Variants in SVEP1 observed in about 807,000 individuals in gnomAD.
SVEP1 encodes sushi, von Willebrand factor type A, EGF and pentraxin domain-containing protein 1.
Under a neutral mutation model 367.3 loss-of-function variants are expected in SVEP1, and 164 were observed. The ratio of observed to expected loss-of-function variants is 0.45; its 90% CI spans 0.39 to 0.51. SVEP1 has a LOEUF of 0.51. Among genes scored for constraint, SVEP1 ranks in the 20% least tolerant of loss-of-function variants. SVEP1 has a pLI of 0.00. For synonymous variants in SVEP1, 1,666 were observed against 1,611.6 expected (o/e 1.03, Z -0.81); for missense variants, 4,117 against 4,425.3 (o/e 0.93, Z 1.98).
At chr9:110,536,048 T>C (rs1054957383) in intron 3 of SVEP1, among the ~76,000 whole-genome samples, 1 of 152,076 alleles carries the variant, frequency 6.6e-6, no homozygotes, top group Admixed American at 6.6e-5. Context: ...AAGCCAGTTT[T>C]CAAGTATTGT....
At chr9:110,578,973 C>T (rs905194293) in intron 1 of SVEP1, 40 bp downstream of exon 1, 1 of 1,540,644 alleles carries the variant, frequency 6.5e-7, no homozygotes, top group Non-Finnish European at 8.7e-7. Context: ...TCGAAGGGCC[C>T]GGGGACTAGG....
chr9:110,508,383 G>T (rs932252174), intron 5 of SVEP1, among the ~76,000 whole-genome samples: 1 of 152,042 alleles, frequency 6.6e-6, no homozygotes, highest in Non-Finnish European at 1.5e-5. Context: ...TAAATGTAAG[G>T]TTCTCATTGG....
rs141364064 is a variant in SVEP1, at chr9:110,410,514, T to C, written c.6648+549A>G. ...TGCCTTCTATAAAATAAAGCATATA[T>C]CCATCCTGAAAAACCTCTGTAAAAC... On this transcript the variant is annotated intron_variant, in intron 37 of 47. Coordinates refer to ENST00000374469, the MANE Select transcript of SVEP1 (RefSeq NM_153366.4). Among the ~76,000 whole-genome samples the C allele has an allele frequency of 1.2e-3, 179 of 152,350 alleles. 3 individuals are homozygous for C. The East Asian group carries it at 0.033, about 28-fold the overall frequency.
At chr9:110,506,473 C>T (rs144700562) in intron 5 of SVEP1, among the ~76,000 whole-genome samples, 1 of 152,292 alleles carries the variant, frequency 6.6e-6, no homozygotes, top group African/African-American at 2.4e-5. Context: ...ATATCCTTCA[C>T]CTTATCTCAG....
At chr9:110,463,675 C>T (rs780803899) in intron 18 of SVEP1, among the ~76,000 whole-genome samples, 1 of 142,376 alleles carries the variant, frequency 7.0e-6, no homozygotes, top group Non-Finnish European at 1.5e-5. Flanking sequence ...GAAAGGCAGG[C>T]GAAAGAAAGG....
At chr9:110,451,183 G>A in intron 23 of SVEP1, 106 bp downstream of exon 23, 3 of 871,098 alleles carry the variant, frequency 3.4e-6, no homozygotes, top group Non-Finnish European at 5.3e-6. Flanking sequence ...TCACCATACA[G>A]TAATAAAATC....
intron 40 of SVEP1, among the ~76,000 whole-genome samples, chr9:110,394,885 C>T (rs1404022075): frequency 6.6e-6 from 1 of 152,100 alleles, no homozygotes; most frequent in African/African-American, 2.4e-5. Context: ...ATTGGTGTAC[C>T]TGAAAGTGAT....
At chr9:110,542,993 A>T (rs929458797) in intron 3 of SVEP1, among the ~76,000 whole-genome samples, 34 of 147,654 alleles carry the variant, frequency 2.3e-4, no homozygotes, top group African/African-American at 7.9e-4. Context: ...TATATATATA[A>T]AATAAAAAAA....
At chr9:110,390,636 G>A (rs1480890229) in intron 40 of SVEP1, among the ~76,000 whole-genome samples, 1 of 151,734 alleles carries the variant, frequency 6.6e-6, no homozygotes, top group Non-Finnish European at 1.5e-5. Context: ...CAAGCAGATG[G>A]TAGTGAACTC....
intron 40 of SVEP1, among the ~76,000 whole-genome samples, chr9:110,395,692 G>A (rs1822908172): frequency 6.6e-6 from 1 of 150,994 alleles, no homozygotes; most frequent in South Asian, 2.1e-4. Context: ...AAAAAGGCAG[G>A]GGTTGCAATC....
intron 24 of SVEP1, among the ~76,000 whole-genome samples, chr9:110,448,148 TGCGCGTGTGTGTGTGCGCGCGCTC>T (rs1019954778): frequency 2.4e-4 from 17 of 69,500 alleles, no homozygotes; most frequent in African/African-American, 6.2e-4. Context: ...TGTGTGTGTG[TGCGCGTGTGTGTGTGCGCGCGCTC>T]GCGCGTGTGT....
In SVEP1 at chr9:110,407,188, T is replaced by C. The variant is rs1315977051; in HGVS notation, c.8412A>G (p.Gly2804=). The part of the protein sequence containing the change: ...LSTLYYECDP[G]YVLNGTERRT... ...TCCTCTCAGTGCCATTCAGCACATATCCGGGGTCACACTCATAGTACAACG... is the reference window on the plus strand; with the variant it reads ...TCCTCTCAGTGCCATTCAGCACATACCCGGGGTCACACTCATAGTACAACG... The change falls in exon 38 of 48, where the codon GGA becomes GGG. Residue 2804 remains glycine (G), a synonymous_variant. Transcript: ENST00000374469. The C allele has an allele frequency of 1.9e-6, 3 of 1,613,880 alleles. No individual in the cohort carries two copies. Among genetic ancestry groups the C allele is most frequent in the Non-Finnish European group, 2.5e-6 (3 of 1,179,890 alleles).
chr9:110,432,986 G>C (rs1828374734), intron 30 of SVEP1, among the ~76,000 whole-genome samples: 1 of 152,118 alleles, frequency 6.6e-6, no homozygotes, highest in Non-Finnish European at 1.5e-5. Flanking sequence ...TCATGGCTTG[G>C]TGCTGTCCTT....
At chr9:110,373,897 T>G (rs1327535) in intron 46 of SVEP1, among the ~76,000 whole-genome samples, 125,972 of 152,168 alleles carry the variant, frequency 0.83, 52,709 homozygotes, top group African/African-American at 0.95. Context: ...CAGGATGTTT[T>G]TTACTAATCA....
At position 110,546,149 on chromosome 9, in the gene SVEP1, C is replaced by T. The variant is rs373543458; in HGVS notation, c.930G>A (p.Gly310=). 9.0e-6 allele frequency: 14 copies of T among 1,553,166 alleles called. No homozygotes were observed. In the African/African-American group the frequency reaches 1.4e-4, roughly 15 times the overall value. The change falls in exon 3 of 48, where the codon GGG becomes GGA. Residue 310 remains glycine (G), a synonymous_variant. Coordinates refer to ENST00000374469, the MANE Select transcript of SVEP1 (RefSeq NM_153366.4). ...CATACTGCAGACCTTTCCCGTAATA[C>T]CCCTTTTCACAGATGCACTCAAAAT... ...TGHFECICEK[G]YYGKGLQYEC...
chr9:110,392,967 T>G (rs10817007), intron 40 of SVEP1, among the ~76,000 whole-genome samples: 23,760 of 152,104 alleles, frequency 0.16, 2,131 homozygotes, highest in East Asian at 0.4. Flanking sequence ...AGACCTGGAG[T>G]TGGTAATTTC....
rs755848903 is a variant in SVEP1 at position 110,400,991 on chromosome 9, G to T, written c.9685C>A (p.Pro3229Thr). 6.2e-7 allele frequency: 1 copy of T among 1,613,742 alleles called. No individual in the cohort carries two copies. The highest frequency in any genetic ancestry group is 1.1e-5 in the South Asian group (1 of 91,062). ...SVCQLDGTWEPPFSDESCSPV... is the reference protein window; with the variant it reads ...SVCQLDGTWETPFSDESCSPV... ...CTGCAAGATTCATCGGAGAATGGTG[G>T]CTCCCAGGTTCCATCAAGCTAAGTG... is the stretch of plus-strand genomic sequence containing the variant. The change falls in exon 40 of 48, where the codon CCA becomes ACA. Residue 3229 changes from proline to threonine, a missense_variant. Physicochemically the swap from Pro to Thr is conservative, Grantham distance 38 (BLOSUM62 -1). Transcript: ENST00000374469.
intron 40 of SVEP1, among the ~76,000 whole-genome samples, chr9:110,392,744 A>T (rs76427670): frequency 0.19 from 29,336 of 152,052 alleles, 2,948 homozygotes; most frequent in Middle Eastern, 0.32. Context: ...AATTTTTTTA[A>T]AAGTATCATT....
rs1430686023 is a variant in SVEP1, at chr9:110,400,840, A to G, written c.9822+14T>C. On this transcript the variant is annotated intron_variant, in intron 40 of 47. Transcript: ENST00000374469. ...AAAACAAATTATTTCTAGTTAAACA[A>G]TTTGTTCGCTTACCTCTAGTTCATA... The G allele has an allele frequency of 6.3e-7, 1 of 1,597,152 alleles. No individual in the cohort carries two copies. Among genetic ancestry groups the G allele is most frequent in the Non-Finnish European group, 8.5e-7 (1 of 1,172,394 alleles).
Sources: allele counts gnomAD v4.1 joint callset (sites outside exome capture counted in the v4.1 genomes callset), GRCh38; gene constraint gnomAD v4.1.1; transcripts MANE v1.5; gene names NCBI Gene and HGNC (gene_info 2026-07-23, HGNC 2026-07-21).